The following VPS13B variants were observed in gnomAD, a reference collection of about 807,000 sequenced individuals.
VPS13B encodes vacuolar protein sorting 13 homolog B.
A neutral mutation model predicts 426.4 loss-of-function variants in VPS13B; 285 were observed. The ratio of observed to expected loss-of-function variants is 0.67; its 90% CI spans 0.61 to 0.74. The LOEUF (loss-of-function observed/expected upper bound fraction) is 0.74, where lower values mean the gene tolerates loss of function less well. Among genes scored for constraint, VPS13B ranks in the 30% least tolerant of loss-of-function variants. The pLI is 0.00. For missense variants in VPS13B, 4,537 were observed against 4,782.6 expected (o/e 0.95, Z 1.51); for synonymous variants, 1,676 against 1,676.4 (o/e 1.00, Z 0.01).
At chr8:99,262,768 T>C (rs1485001629) in intron 17 of VPS13B, among the ~76,000 whole-genome samples, 2 of 136,420 alleles carry the variant, frequency 1.5e-5, no homozygotes, top group African/African-American at 6.0e-5. Flanking sequence ...TTTTGGATGG[T>C]CTGTTGTTGT....
At chr8:99,053,822 C>T (rs1320168297) in intron 3 of VPS13B, among the ~76,000 whole-genome samples, 1 of 152,032 alleles carries the variant, frequency 6.6e-6, no homozygotes, top group Non-Finnish European at 1.5e-5. Context: ...CCTGCCTCAG[C>T]CTCCTGAGTA....
At chr8:99,443,533 T>C (rs1588385965) in intron 23 of VPS13B, among the ~76,000 whole-genome samples, 1 of 152,312 alleles carries the variant, frequency 6.6e-6, no homozygotes, top group Admixed American at 6.5e-5. Flanking sequence ...ATGAATACTA[T>C]TATCATACAA....
In VPS13B at chr8:99,552,985, G is replaced by A. The variant is rs186547826; in HGVS notation, c.4746-3465G>A. Reference sequence around the variant, plus strand: ...TATCACCACAGAGGTCCGTAGAAGGGCTGTTTCTAATTCACCCTTTCACTA... The same window carrying A: ...TATCACCACAGAGGTCCGTAGAAGGACTGTTTCTAATTCACCCTTTCACTA... On this transcript the variant is annotated intron_variant, in intron 30 of 61. Transcript: ENST00000357162. Among the ~76,000 whole-genome samples the A allele has an allele frequency of 6.6e-5, 10 of 152,226 alleles. No individual in the cohort carries two copies. In the East Asian group the frequency reaches 1.9e-3, roughly 29 times the overall value.
At chr8:99,428,892 A>C (rs1489207876) in intron 21 of VPS13B, among the ~76,000 whole-genome samples, 5 of 152,190 alleles carry the variant, frequency 3.3e-5, no homozygotes, top group Admixed American at 6.5e-5. Flanking sequence ...AATGTCCAAC[A>C]ATGATAGACT....
intron 57 of VPS13B, among the ~76,000 whole-genome samples, chr8:99,860,923 T>C (rs1458618745): frequency 6.6e-6 from 1 of 152,238 alleles, no homozygotes; most frequent in Non-Finnish European, 1.5e-5. Flanking sequence ...ATTGCACATA[T>C]TCTCCATGGC....
chr8:99,395,593 G>T (rs528258213), intron 21 of VPS13B, among the ~76,000 whole-genome samples: 1 of 152,258 alleles, frequency 6.6e-6, no homozygotes, highest in African/African-American at 2.4e-5. Flanking sequence ...ACAAAATAGT[G>T]AGTAACTGTT....
intron 34 of VPS13B, among the ~76,000 whole-genome samples, chr8:99,654,051 T>TA (rs1295854321): frequency 2.0e-5 from 3 of 150,922 alleles, no homozygotes; most frequent in Non-Finnish European, 4.4e-5. Flanking sequence ...ATTATTATTA[T>TA]TATATATATT....
chr8:99,412,387 A>G (rs979447505), intron 21 of VPS13B, among the ~76,000 whole-genome samples: 1 of 152,282 alleles, frequency 6.6e-6, no homozygotes, highest in East Asian at 1.9e-4. Flanking sequence ...TTATTGGTGT[A>G]TAGGAATGCT....
intron 39 of VPS13B, among the ~76,000 whole-genome samples, chr8:99,748,793 T>A (rs1050005741): frequency 2.0e-5 from 3 of 152,074 alleles, no homozygotes; most frequent in Non-Finnish European, 4.4e-5. Context: ...ATTCGCAGTT[T>A]CCTTTCCTAT....
chr8:99,856,650 G>A (rs1816565207), intron 56 of VPS13B, among the ~76,000 whole-genome samples: 1 of 152,204 alleles, frequency 6.6e-6, no homozygotes, highest in Admixed American at 6.5e-5. Context: ...AGACCAGCCT[G>A]GGCAACATGG....
intron 51 of VPS13B, among the ~76,000 whole-genome samples, chr8:99,827,959 C>G (rs1347838721): frequency 6.6e-6 from 1 of 152,050 alleles, no homozygotes; most frequent in Non-Finnish European, 1.5e-5. Context: ...GTTATGATTT[C>G]TGTTCTTTTG....
chr8:99,387,676 A>G lies in VPS13B; in HGVS notation c.2934+3359A>G, dbSNP rs556983387. ...CCATGGAAAATCGAGAGAATTGCAT[A>G]GTTGAGCCATATGTTTCCATACCCA... On this transcript the variant is annotated intron_variant, in intron 20 of 61. Coordinates refer to ENST00000357162, the MANE Select transcript of VPS13B (RefSeq NM_152564.5). 5.3e-5 allele frequency among the ~76,000 whole-genome samples: 8 copies of G among 152,284 alleles called. No individual in the cohort carries two copies. The South Asian group carries it at 1.0e-3, about 20-fold the overall frequency.
intron 14 of VPS13B, among the ~76,000 whole-genome samples, 194 bp downstream of exon 14, chr8:99,148,204 T>C (rs1237668612): frequency 2.0e-5 from 3 of 151,592 alleles, no homozygotes; most frequent in Non-Finnish European, 4.4e-5. Flanking sequence ...AGCAATACCT[T>C]GTCTCTAAAA....
intron 17 of VPS13B, among the ~76,000 whole-genome samples, chr8:99,270,129 A>ATTTTTTTTTT (rs1370378172): frequency 7.1e-4 from 12 of 16,822 alleles, no homozygotes; most frequent in Admixed American, 1.9e-3. Flanking sequence ...AGATATAAGA[A>ATTTTTTTTTT]TCTTTTTTTT....
At position 99,163,474 on chromosome 8, in the gene VPS13B, G is replaced by A. The variant is rs557080168; in HGVS notation, c.2209-6565G>A. On this transcript the variant is annotated intron_variant, in intron 15 of 61. Transcript: ENST00000357162. ...GGTGGTGCTCGTTGGGGAGGCTCGGGCTGCACAGGAGCCCATGGAGTGGGT... is the reference window on the plus strand; with the variant it reads ...GGTGGTGCTCGTTGGGGAGGCTCGGACTGCACAGGAGCCCATGGAGTGGGT... Among the ~76,000 whole-genome samples, 404 of 152,316 alleles carry A rather than the reference G, an allele frequency of 2.7e-3. 10 individuals carry two copies. Among genetic ancestry groups the A allele is most frequent in the Admixed American group, 0.021 (325 of 15,300 alleles).
chr8:99,110,613 A>G (rs1465449467), intron 5 of VPS13B, among the ~76,000 whole-genome samples: 1 of 151,874 alleles, frequency 6.6e-6, no homozygotes, highest in African/African-American at 2.4e-5. Context: ...AATTTTAATT[A>G]ATTTAAATAG....
At chr8:99,774,596 T>TA (rs939745857) in intron 40 of VPS13B, among the ~76,000 whole-genome samples, 1 of 152,182 alleles carries the variant, frequency 6.6e-6, no homozygotes, top group African/African-American at 2.4e-5. Context: ...GTACCCATTT[T>TA]AAAAAACTGG....
At position 99,156,670 on chromosome 8, in the gene VPS13B, T is replaced by A. The variant is rs1335409694; in HGVS notation, c.2135T>A (p.Val712Glu). 1.2e-6 allele frequency: 2 copies of A among 1,613,984 alleles called. No homozygotes were observed. The highest frequency in any genetic ancestry group is 3.3e-5 in the Admixed American group (2 of 60,012). The change falls in exon 15 of 62, where the codon GTG becomes GAG. Residue 712 changes from valine to glutamate, a missense_variant. By Grantham distance (121) the Val-to-Glu change is moderately radical. This residue lies in a region of VPS13B where 4,311 missense variants were observed against 4,474.3 expected (regional missense o/e 0.96). Coordinates refer to ENST00000357162, the MANE Select transcript of VPS13B (RefSeq NM_152564.5). ...HSVPMYAEQLVHVVSSLTQPS... is the reference protein window; with the variant it reads ...HSVPMYAEQLEHVVSSLTQPS... ...GTGCCAATGTATGCTGAACAGTTGG[T>A]GCATGTGGTCAGCAGCCTTACTCAA...
chr8:99,119,467 A>G (rs1434421954), intron 7 of VPS13B: 1 of 152,268 alleles, frequency 6.6e-6, no homozygotes, highest in Non-Finnish European at 1.5e-5. Flanking sequence ...TTGTTGCAGT[A>G]GGCTGTTCTT....
Sources: gnomAD v4.1 joint callset for allele counts (sites outside exome capture counted in the v4.1 genomes callset) on GRCh38, gnomAD v4.1.1 for gene constraint, gnomAD v4.1.1 regional missense constraint, MANE v1.5 for transcripts, NCBI Gene and HGNC (gene_info 2026-07-23, HGNC 2026-07-21) for gene names.